CDKL5: variants seen among roughly 807,000 people sequenced by gnomAD.
CDKL5 encodes cyclin-dependent kinase-like 5.
Under a neutral mutation model 61.7 loss-of-function variants are expected in CDKL5, and 8 were observed. The observed-to-expected ratio is 0.13, with a 90% CI of 0.08 to 0.23. The LOEUF (loss-of-function observed/expected upper bound fraction) is 0.23, where lower values mean the gene tolerates loss of function less well. CDKL5 is among the 10% of genes least tolerant of loss of function. The pLI, the probability that CDKL5 is intolerant of heterozygous loss-of-function variation, is 1.00. For synonymous variants in CDKL5, 275 were observed against 272.3 expected (o/e 1.01, Z -0.10); for missense variants, 440 against 734.5 (o/e 0.60, Z 4.63).
intron 9 of CDKL5, among the ~76,000 whole-genome samples, chrX:18,591,094 C>G (rs1925813975): frequency 9.0e-6 from 1 of 111,212 alleles, no homozygotes; most frequent in Admixed American, 9.6e-5. Flanking sequence ...TTCTGTCAAT[C>G]TCAAAGAGTG....
chrX:18,489,438 A>G (rs1921912898), intron 1 of CDKL5, among the ~76,000 whole-genome samples: 1 of 110,724 alleles, frequency 9.0e-6, no homozygotes, highest in Non-Finnish European at 1.9e-5. Context: ...TGGGATTACA[A>G]GCAGGAGCCA....
At chrX:18,569,074 C>T (rs1476973603) in intron 4 of CDKL5, among the ~76,000 whole-genome samples, 1 of 111,794 alleles carries the variant, frequency 8.9e-6, no homozygotes, top group Non-Finnish European at 1.9e-5. Flanking sequence ...CTGTGATTCT[C>T]TCTGAAAGAC....
chrX:18,521,271 A>G (rs1923234722), intron 3 of CDKL5, among the ~76,000 whole-genome samples: 1 of 112,173 alleles, frequency 8.9e-6, no homozygotes, highest in Non-Finnish European at 1.9e-5. Flanking sequence ...CTGAATATAG[A>G]TTCCTTATCA....
At chrX:18,611,783 A>T (rs1926561513) in intron 14 of CDKL5, among the ~76,000 whole-genome samples, 1 of 112,167 alleles carries the variant, frequency 8.9e-6, no homozygotes, top group East Asian at 2.8e-4. Flanking sequence ...TTTTAATTTT[A>T]AAAATTTCAG....
rs761027386 is a variant in CDKL5, at chrX:18,515,937, C to CCTTCT, written c.99+5097_99+5101dup. Among the ~76,000 whole-genome samples the CCTTCT allele has an allele frequency of 6.5e-3, 719 of 110,005 alleles. 8 individuals carry two copies. The highest frequency in any genetic ancestry group is 0.022 in the African/African-American group (669 of 30,206). On this transcript the variant is annotated intron_variant, in intron 3 of 17. Transcript: ENST00000623535. ...AGCTAACTTGAGCATGAGATAGGAG[C>CCTTCT]CTTCTCTTCTCTTCTCTTTTCCTTC...
rs1927193106 is a variant in CDKL5, at chrX:18,630,123, TTACTC to T, written c.*1369_*1373del. 6.6e-6 allele frequency: 5 copies of T among 753,903 alleles called. No homozygotes were observed. The highest frequency in any genetic ancestry group is 7.8e-6 in the Non-Finnish European group (5 of 639,215). 62.1% of individuals were successfully genotyped at this position (753,903 alleles called of 1,213,427 possible). ...GGAGCAATTCCAGATAGATAAAAAA[TTACTC>T]TATCCATTTTTTTCTTCCTGGGGCT... On this transcript the variant is annotated 3_prime_UTR_variant, in exon 18 of 18. Transcript: ENST00000623535.
At chrX:18,606,600 G>A (rs1241224921) in intron 12 of CDKL5, among the ~76,000 whole-genome samples, 1 of 112,242 alleles carries the variant, frequency 8.9e-6, no homozygotes, top group East Asian at 2.8e-4. Flanking sequence ...GTGAGTTGTG[G>A]GAGCTCCTAG....
At chrX:18,586,035 A>G (rs1448495240) in intron 8 of CDKL5, among the ~76,000 whole-genome samples, 1 of 111,377 alleles carries the variant, frequency 9.0e-6, no homozygotes, top group South Asian at 3.8e-4. Context: ...TTCTTGATTC[A>G]TTGCTGACCT....
intron 21 of CDKL5, among the ~76,000 whole-genome samples, chrX:18,651,552 T>C (rs1443723108): frequency 2.7e-5 from 3 of 110,584 alleles, no homozygotes; most frequent in Non-Finnish European, 5.7e-5. Flanking sequence ...CTTGGGAAGG[T>C]CCCTCGGACT....
chrX:18,484,214 C>G (rs1032910981), intron 1 of CDKL5, among the ~76,000 whole-genome samples: 1 of 112,189 alleles, frequency 8.9e-6, no homozygotes, highest in Non-Finnish European at 1.9e-5. Flanking sequence ...AAATGAGAAG[C>G]GCAAGTAACT....
At chrX:18,553,311 C>A (rs1287573008) in intron 3 of CDKL5, among the ~76,000 whole-genome samples, 1 of 111,534 alleles carries the variant, frequency 9.0e-6, no homozygotes, top group African/African-American at 3.3e-5. Flanking sequence ...CTCATACATT[C>A]TCATTTTACA....
At chrX:18,440,242 G>A (rs146851312) in intron 1 of CDKL5, among the ~76,000 whole-genome samples, 1 of 112,013 alleles carries the variant, frequency 8.9e-6, no homozygotes, top group African/African-American at 3.2e-5. Context: ...ATAGAGTAGT[G>A]TATTTTTGAA....
At chrX:18,455,641 C>T (rs541050121) in intron 1 of CDKL5, among the ~76,000 whole-genome samples, 4 of 112,865 alleles carry the variant, frequency 3.5e-5, no homozygotes, top group African/African-American at 1.3e-4. Context: ...AGTGCAAACC[C>T]GCTTCTGTAA....
In CDKL5 at chrX:18,608,752, A is replaced by T. The variant is rs1026430543; in HGVS notation, c.1945-59A>T. On this transcript the variant is annotated intron_variant, in intron 12 of 17. Transcript: ENST00000623535. ...CTAGTTCTACCAAATAAAGGCCATG[A>T]TGAGTTCCATCCCTAGGAACAGGAT... 30 of 763,847 alleles carry T rather than the reference A, an allele frequency of 3.9e-5. 1 individual carries two copies. The Admixed American group carries it at 4.1e-4, about 11-fold the overall frequency. The allele number at this position is 763,847 out of a possible 1,213,427, so 62.9% of individuals were successfully genotyped here.
intron 1 of CDKL5, among the ~76,000 whole-genome samples, chrX:18,445,109 G>C (rs1482284137): frequency 4.3e-5 from 4 of 93,940 alleles, no homozygotes; most frequent in African/African-American, 1.7e-4. Flanking sequence ...ACGGAGCCTT[G>C]CTCTGTTGCC....
At chrX:18,562,598 A>G (rs1466633963) in intron 3 of CDKL5, among the ~76,000 whole-genome samples, 1 of 111,713 alleles carries the variant, frequency 9.0e-6, no homozygotes, top group Non-Finnish European at 1.9e-5. Context: ...GTTTTCTGTA[A>G]TGAGTTTATA....
At chrX:18,486,142 C>G (rs771587993) in intron 1 of CDKL5, among the ~76,000 whole-genome samples, 4 of 111,555 alleles carry the variant, frequency 3.6e-5, no homozygotes, top group Admixed American at 9.6e-5. Context: ...GCATTACTTG[C>G]ATTCACCGAA....
intron 3 of CDKL5, among the ~76,000 whole-genome samples, chrX:18,548,231 AAGG>A (rs1167308184): frequency 4.5e-5 from 5 of 110,526 alleles, no homozygotes; most frequent in Non-Finnish European, 9.5e-5. Flanking sequence ...AAAAAGGAAA[AAGG>A]AGAAAAAAGG....
At chrX:18,486,655 C>G (rs1030834213) in intron 1 of CDKL5, among the ~76,000 whole-genome samples, 1 of 111,731 alleles carries the variant, frequency 9.0e-6, no homozygotes, top group Non-Finnish European at 1.9e-5. Flanking sequence ...CTTTTGTTAT[C>G]TATTTTAAAG....
Sources: allele counts gnomAD v4.1 joint callset (sites outside exome capture counted in the v4.1 genomes callset), GRCh38; gene constraint gnomAD v4.1.1; transcripts MANE v1.5; gene names NCBI Gene and HGNC (gene_info 2026-07-23, HGNC 2026-07-21).